The following KIAA1217 variants were observed in gnomAD, a reference collection of about 807,000 sequenced individuals.
KIAA1217 encodes the protein sickle tail protein homolog.
Under a neutral mutation model 163.9 loss-of-function variants are expected in KIAA1217, and 88 were observed. The observed-to-expected ratio is 0.54, with a 90% CI of 0.45 to 0.64. The LOEUF (loss-of-function observed/expected upper bound fraction) is 0.64, where lower values mean the gene tolerates loss of function less well. KIAA1217 is among the 30% of genes least tolerant of loss of function. The pLI is 0.00. For synonymous variants in KIAA1217, 903 were observed against 923.1 expected (o/e 0.98, Z 0.39); for missense variants, 2,372 against 2,475.0 (o/e 0.96, Z 0.88).
In KIAA1217 at chr10:24,278,911, C is replaced by G. The variant is rs185964390; in HGVS notation, c.354+59002C>G. Among the ~76,000 whole-genome samples, 195 of 147,726 alleles carry G rather than the reference C, an allele frequency of 1.3e-3. 1 individual carries two copies. Among genetic ancestry groups the G allele is most frequent in the African/African-American group, 4.4e-3 (176 of 39,742 alleles). On this transcript the variant is annotated intron_variant, in intron 2 of 20. Coordinates refer to ENST00000376454, the MANE Select transcript of KIAA1217 (RefSeq NM_019590.5). Reference sequence around the variant, plus strand: ...TCACTCTGTTGCTCAGGCTGGAGTGCAGCGGCCCAATCTCAGCTCACTGCA... The same window carrying G: ...TCACTCTGTTGCTCAGGCTGGAGTGGAGCGGCCCAATCTCAGCTCACTGCA...
At chr10:24,408,062 C>T (rs2057399821) in intron 3 of KIAA1217, among the ~76,000 whole-genome samples, 1 of 152,078 alleles carries the variant, frequency 6.6e-6, no homozygotes, top group African/African-American at 2.4e-5. Flanking sequence ...AGCCAGACAG[C>T]CTGGGATCAT....
chr10:24,043,898 C>G (rs2131563234), intron 2 of KIAA1217, among the ~76,000 whole-genome samples: 1 of 151,934 alleles, frequency 6.6e-6, no homozygotes, highest in Admixed American at 6.6e-5. Context: ...GATAAAAGGT[C>G]TGGGTTGGGA....
intron 1 of KIAA1217, among the ~76,000 whole-genome samples, chr10:23,843,350 T>C (rs1838877222): frequency 6.6e-6 from 1 of 152,156 alleles, no homozygotes; most frequent in Admixed American, 6.6e-5. Flanking sequence ...TTCTTTCTAA[T>C]ATCTAAGCCT....
chr10:23,903,269 C>G (rs1010795780), intron 1 of KIAA1217, among the ~76,000 whole-genome samples: 1 of 151,956 alleles, frequency 6.6e-6, no homozygotes, highest in Non-Finnish European at 1.5e-5. Flanking sequence ...ATTGGTGATT[C>G]TATAATAGAT....
chr10:23,982,530 TCTCTCTCTC>T (rs1845812685), intron 1 of KIAA1217, among the ~76,000 whole-genome samples: 1 of 9,812 alleles, frequency 1.0e-4, no homozygotes, highest in Non-Finnish European at 2.0e-4. Flanking sequence ...GTTTTTTGTT[TCTCTCTCTC>T]TCTCTCTCTC....
intron 1 of KIAA1217, among the ~76,000 whole-genome samples, chr10:23,888,807 C>T (rs990391015): frequency 7.2e-4 from 109 of 151,924 alleles, no homozygotes; most frequent in African/African-American, 2.5e-3. Flanking sequence ...TAGAACATTT[C>T]CTTCATCCAG....
chr10:24,333,733 G>C (rs1331751172), intron 2 of KIAA1217, among the ~76,000 whole-genome samples: 1 of 152,108 alleles, frequency 6.6e-6, no homozygotes, highest in Non-Finnish European at 1.5e-5. Flanking sequence ...GCAGGGATCT[G>C]GTCTGATCCC....
Position 23,969,401 on chromosome 10 carries a change from C to T in KIAA1217, c.-320-37824C>T, listed in dbSNP as rs557997162. On this transcript the variant is annotated intron_variant, in intron 1 of 18. Transcript: ENST00000376462. The stretch of plus-strand genomic sequence containing the variant: ...TTTTCAAATTGGCTGTACCATCTTA[C>T]AGTCCCATCACAATGCATGAGGGTT... Among the ~76,000 whole-genome samples, 8 of 152,332 alleles carry T rather than the reference C, an allele frequency of 5.3e-5. No individual in the cohort carries two copies. In the South Asian group the frequency reaches 6.2e-4, roughly 12 times the overall value.
chr10:23,837,372 C>G (rs1420382166), intron 1 of KIAA1217, among the ~76,000 whole-genome samples: 1 of 152,162 alleles, frequency 6.6e-6, no homozygotes, highest in Non-Finnish European at 1.5e-5. Flanking sequence ...TCCCGGATGA[C>G]TTCAATGTCC....
At chr10:23,911,067 A>T (rs1842408038) in intron 1 of KIAA1217, among the ~76,000 whole-genome samples, 2 of 152,318 alleles carry the variant, frequency 1.3e-5, no homozygotes, top group Admixed American at 1.3e-4. Flanking sequence ...AAGTTCTAGC[A>T]TGTATTATTT....
intron 1 of KIAA1217, among the ~76,000 whole-genome samples, chr10:23,892,894 G>A (rs1168607168): frequency 6.6e-6 from 1 of 151,894 alleles, no homozygotes; most frequent in African/African-American, 2.4e-5. Flanking sequence ...CTTCCTGGCT[G>A]CCTTATGGTG....
chr10:23,734,834 G>A (rs557776592), intron 1 of KIAA1217, among the ~76,000 whole-genome samples: 2 of 141,950 alleles, frequency 1.4e-5, no homozygotes, highest in African/African-American at 5.4e-5. Context: ...AAGTTCAGGG[G>A]CATATATCAG....
intron 1 of KIAA1217, among the ~76,000 whole-genome samples, chr10:23,799,279 T>A (rs1836358003): frequency 6.6e-6 from 1 of 152,152 alleles, no homozygotes; most frequent in Non-Finnish European, 1.5e-5. Flanking sequence ...TTTCAACATA[T>A]AAATTTTGAA....
chr10:24,144,849 T>G (rs986404869), intron 2 of KIAA1217, among the ~76,000 whole-genome samples: 5 of 152,206 alleles, frequency 3.3e-5, no homozygotes, highest in Non-Finnish European at 2.9e-5. Flanking sequence ...TCTCTGCTTT[T>G]CTCTTGTTAG....
chr10:24,023,531 C>G (rs574810555), intron 2 of KIAA1217, among the ~76,000 whole-genome samples: 2 of 151,564 alleles, frequency 1.3e-5, no homozygotes, highest in African/African-American at 4.8e-5. Flanking sequence ...ATTGGAGGAC[C>G]TACTTTCGAT....
chr10:23,802,285 G>A (rs1159629345), intron 1 of KIAA1217, among the ~76,000 whole-genome samples: 2 of 152,162 alleles, frequency 1.3e-5, no homozygotes, highest in African/African-American at 4.8e-5. Flanking sequence ...AACATCTACG[G>A]TGTCTGTTCC....
At chr10:24,218,462 T>G (rs569733998) in intron 1 of KIAA1217, among the ~76,000 whole-genome samples, 1 of 151,992 alleles carries the variant, frequency 6.6e-6, no homozygotes. Flanking sequence ...TGTCTAAGCC[T>G]TTACTTTATA....
intron 1 of KIAA1217, among the ~76,000 whole-genome samples, chr10:23,856,117 C>T (rs1289019213): frequency 1.3e-5 from 2 of 152,186 alleles, no homozygotes; most frequent in East Asian, 1.9e-4. Context: ...TTTTTCTGCT[C>T]TGTTTTTTCC....
At chr10:24,205,327 A>G (rs2067490475), upstream of KIAA1217, among the ~76,000 whole-genome samples, 1 of 147,824 alleles carries the variant, frequency 6.8e-6, no homozygotes, top group South Asian at 2.1e-4. Flanking sequence ...AAAAAAAAAA[A>G]AGCCAGGCGT....
Sources: gnomAD v4.1 joint callset for allele counts (sites outside exome capture counted in the v4.1 genomes callset) on GRCh38, gnomAD v4.1.1 for gene constraint, MANE v1.5 for transcripts, NCBI Gene and HGNC (gene_info 2026-07-23, HGNC 2026-07-21) for gene names.